The following TRPM3 variants were observed in gnomAD, a reference collection of about 807,000 sequenced individuals.
TRPM3 encodes the protein transient receptor potential cation channel subfamily M member 3.
TRPM3 carries 77 observed loss-of-function variants against 181.2 expected under a neutral mutation model. That is an observed-to-expected ratio of 0.42 (90% confidence interval 0.35 to 0.51). The LOEUF (loss-of-function observed/expected upper bound fraction) is 0.51. Ranked by LOEUF, TRPM3 falls within the 20% of genes least tolerant of loss-of-function variation. The probability of loss-of-function intolerance (pLI) is 0.01; values close to 1 mark genes in which losing one functional copy is unlikely to be tolerated. For missense variants in TRPM3, 1,759 were observed against 2,196.7 expected (o/e 0.80, Z 3.98); for synonymous variants, 745 against 796.4 (o/e 0.94, Z 1.09).
intron 1 of TRPM3, among the ~76,000 whole-genome samples, chr9:71,380,152 T>G (rs1165671977): frequency 6.6e-6 from 1 of 152,082 alleles, no homozygotes; most frequent in African/African-American, 2.4e-5. Flanking sequence ...TTTTCCTCAA[T>G]GTGCAGTGGT....
At chr9:71,250,817 G>A (rs561859430) in intron 1 of TRPM3, among the ~76,000 whole-genome samples, 72 of 152,298 alleles carry the variant, frequency 4.7e-4, no homozygotes, top group Middle Eastern at 3.4e-3. Flanking sequence ...GGTAGGCAGA[G>A]TAGCTACAGG....
chr9:70,563,878 G>C (rs74940462), intron 22 of TRPM3, among the ~76,000 whole-genome samples: 1 of 152,172 alleles, frequency 6.6e-6, no homozygotes, highest in African/African-American at 2.4e-5. Flanking sequence ...GTCAGCTCAC[G>C]CATGTCGTGC....
intron 1 of TRPM3, among the ~76,000 whole-genome samples, chr9:71,040,145 A>T (rs914523982): frequency 6.6e-6 from 1 of 152,178 alleles, no homozygotes; most frequent in African/African-American, 2.4e-5. Flanking sequence ...ATCTGTTTTC[A>T]ATCTTACACA....
At chr9:70,896,215 A>G (rs2096276564) in intron 1 of TRPM3, among the ~76,000 whole-genome samples, 1 of 152,184 alleles carries the variant, frequency 6.6e-6, no homozygotes. Flanking sequence ...TATTTATTAT[A>G]TGTTGACACA....
At chr9:71,080,508 A>T (rs2064135867) in intron 1 of TRPM3, among the ~76,000 whole-genome samples, 1 of 152,166 alleles carries the variant, frequency 6.6e-6, no homozygotes, top group Non-Finnish European at 1.5e-5. Flanking sequence ...TAGTAAGTTT[A>T]TTTTGTGATG....
At chr9:70,629,628 C>T (rs1025944682) in intron 12 of TRPM3, among the ~76,000 whole-genome samples, 1 of 152,110 alleles carries the variant, frequency 6.6e-6, no homozygotes, top group African/African-American at 2.4e-5. Flanking sequence ...TGAGCCACCG[C>T]TATAAAACAT....
chr9:70,873,829 G>T lies in TRPM3; in HGVS notation c.178-9318C>A, dbSNP rs1175525997. Reference sequence around the variant, plus strand: ...CCACTGCAAATCTACAGTATTCTAGGTCTACTATGGCATAACCAGAGTGTT... The same window carrying T: ...CCACTGCAAATCTACAGTATTCTAGTTCTACTATGGCATAACCAGAGTGTT... On this transcript the variant is annotated intron_variant, in intron 1 of 25. Coordinates refer to ENST00000677713, the MANE Select transcript of TRPM3 (RefSeq NM_001366145.2). Among the ~76,000 whole-genome samples the T allele has an allele frequency of 2.0e-5, 3 of 151,856 alleles. No homozygotes were observed. The East Asian group carries it at 5.8e-4, about 29-fold the overall frequency.
At chr9:70,659,140 G>C (rs1281883746) in intron 9 of TRPM3, among the ~76,000 whole-genome samples, 1 of 152,074 alleles carries the variant, frequency 6.6e-6, no homozygotes, top group Non-Finnish European at 1.5e-5. Flanking sequence ...GTTTTCCTTT[G>C]TAATAGGACA....
chr9:70,772,728 T>G (rs2080568400), intron 7 of TRPM3, among the ~76,000 whole-genome samples: 1 of 152,208 alleles, frequency 6.6e-6, no homozygotes, highest in South Asian at 2.1e-4. Context: ...TGAAAAATCC[T>G]GAACAATGTT....
At chr9:70,621,873 A>T (rs2063689549) in intron 14 of TRPM3, among the ~76,000 whole-genome samples, 1 of 152,230 alleles carries the variant, frequency 6.6e-6, no homozygotes, top group Non-Finnish European at 1.5e-5. Context: ...TAGAGCCTGC[A>T]GGTTTATAAT....
intron 1 of TRPM3, among the ~76,000 whole-genome samples, chr9:71,266,254 T>C (rs73473308): frequency 0.037 from 5,600 of 152,258 alleles, 361 homozygotes; most frequent in African/African-American, 0.13. Flanking sequence ...TTCTGGGCAC[T>C]GATACCTGGA....
chr9:70,737,944 T>C (rs1039742090), intron 8 of TRPM3, among the ~76,000 whole-genome samples: 1 of 152,192 alleles, frequency 6.6e-6, no homozygotes, highest in African/African-American at 2.4e-5. Context: ...AATGCTCCAC[T>C]GACAGCACCA....
chr9:71,246,261 A>AT (rs1055718615), intron 1 of TRPM3, among the ~76,000 whole-genome samples: 159 of 152,290 alleles, frequency 1.0e-3, no homozygotes, highest in Non-Finnish European at 2.1e-3. Context: ...GATTTTAAAA[A>AT]TTTTTTTCAA....
chr9:71,344,322 A>G (rs1236571593), intron 1 of TRPM3, among the ~76,000 whole-genome samples: 1 of 151,940 alleles, frequency 6.6e-6, no homozygotes, highest in African/African-American at 2.4e-5. Flanking sequence ...ATCGTAGCGC[A>G]TGCCTGTAAT....
intron 6 of TRPM3, among the ~76,000 whole-genome samples, chr9:70,806,428 C>G (rs970475928): frequency 6.6e-6 from 1 of 152,178 alleles, no homozygotes; most frequent in East Asian, 1.9e-4. Context: ...GACGGTGGCT[C>G]ACGCCTGTAA....
intron 1 of TRPM3, among the ~76,000 whole-genome samples, chr9:71,419,845 G>C (rs912145164): frequency 6.6e-6 from 1 of 151,780 alleles, no homozygotes; most frequent in Non-Finnish European, 1.5e-5. Context: ...AATAATTTCT[G>C]CTCTATCATA....
At chr9:71,341,061 A>G (rs2090928054) in intron 1 of TRPM3, among the ~76,000 whole-genome samples, 1 of 152,158 alleles carries the variant, frequency 6.6e-6, no homozygotes. Flanking sequence ...TAATAATACT[A>G]TACCTATGAG....
intron 1 of TRPM3, among the ~76,000 whole-genome samples, chr9:71,384,635 A>G (rs1308266721): frequency 6.6e-6 from 1 of 152,208 alleles, no homozygotes; most frequent in Non-Finnish European, 1.5e-5. Context: ...TACCACTGAA[A>G]TTTTAGCTAT....
chr9:71,236,752 G>A (rs1247333686), intron 1 of TRPM3, among the ~76,000 whole-genome samples: 1 of 152,136 alleles, frequency 6.6e-6, no homozygotes, highest in African/African-American at 2.4e-5. Flanking sequence ...GTAGGTATAT[G>A]AAAAATAAAA....
Sources: allele counts gnomAD v4.1 joint callset (sites outside exome capture counted in the v4.1 genomes callset), GRCh38; gene constraint gnomAD v4.1.1; transcripts MANE v1.5; gene names NCBI Gene and HGNC (gene_info 2026-07-23, HGNC 2026-07-21).